The following AGPS variants were observed in gnomAD, a reference collection of about 807,000 sequenced individuals.
AGPS encodes alkylglycerone phosphate synthase, also known as alkyldihydroxyacetonephosphate synthase, peroxisomal.
In AGPS, 26 loss-of-function variants were observed where a neutral mutation model predicts 90.7. The observed-to-expected ratio is 0.29, with a 90% CI of 0.21 to 0.40. The LOEUF (loss-of-function observed/expected upper bound fraction) is 0.40, where lower values mean the gene tolerates loss of function less well. Among genes scored for constraint, AGPS ranks in the 10% least tolerant of loss-of-function variants. The probability of loss-of-function intolerance (pLI) is 1.00; values close to 1 mark genes in which losing one functional copy is unlikely to be tolerated. For missense variants in AGPS, 540 were observed against 816.1 expected (o/e 0.66, Z 4.12); for synonymous variants, 294 against 285.3 (o/e 1.03, Z -0.31).
rs1428305132 is a variant in AGPS at position 177,431,720 on chromosome 2, A to G, written c.351-2607A>G. Among the ~76,000 whole-genome samples the G allele has an allele frequency of 2.6e-5, 4 of 152,106 alleles. No individual in the cohort carries two copies. The East Asian group carries it at 7.7e-4, about 29-fold the overall frequency. On this transcript the variant is annotated intron_variant, in intron 2 of 19. Transcript: ENST00000264167. ...TCTGCAAGAAGAAAAATATGGCTCT[A>G]TTGTGCCTGACCCCGCAGGCAGTCA...
Position 177,462,598 on chromosome 2 carries a change from C to T in AGPS, c.996+580C>T, listed in dbSNP as rs372822179. Among the ~76,000 whole-genome samples, 15 of 151,998 alleles carry T rather than the reference C, an allele frequency of 9.9e-5. No homozygotes were observed. The East Asian group carries it at 2.1e-3, about 22-fold the overall frequency. ...TTCACAGTATCCAGCTCATAAAATA[C>T]GGTCAGCTCTCTATATCCACTGGTT... On this transcript the variant is annotated intron_variant, in intron 9 of 19. Transcript: ENST00000264167.
In AGPS at chr2:177,429,026, T is replaced by A. The variant is rs542422857; in HGVS notation, c.351-5301T>A. Among the ~76,000 whole-genome samples, 99 of 152,264 alleles carry A rather than the reference T, an allele frequency of 6.5e-4. 1 individual carries two copies. The highest frequency in any genetic ancestry group is 2.7e-3 in the Admixed American group (42 of 15,302). ...GTTTTGTTCATTTCTTTTCATTCTTTTTTCTCTATTCTTGTCTGCCTTGAA... is the reference window on the plus strand; with the variant it reads ...GTTTTGTTCATTTCTTTTCATTCTTATTTCTCTATTCTTGTCTGCCTTGAA... On this transcript the variant is annotated intron_variant, in intron 2 of 19. Coordinates refer to ENST00000264167, the MANE Select transcript of AGPS (RefSeq NM_003659.4).
chr2:177,499,948 T>C (rs1688512616), intron 14 of AGPS, among the ~76,000 whole-genome samples: 1 of 151,890 alleles, frequency 6.6e-6, no homozygotes, highest in Admixed American at 6.6e-5. Context: ...GGAAGTTAGA[T>C]TGATATGTTG....
rs926546144 is a variant in AGPS at position 177,542,846 on chromosome 2, T to C, written c.*4651T>C. ...AAAAGCTCACAGTGCCTTGTTGGGATTTTTTTTTTCCATGAACTAGCCATT... is the reference window on the plus strand; with the variant it reads ...AAAAGCTCACAGTGCCTTGTTGGGACTTTTTTTTTCCATGAACTAGCCATT... On this transcript the variant is annotated 3_prime_UTR_variant, in exon 20 of 20. Coordinates refer to ENST00000264167, the MANE Select transcript of AGPS (RefSeq NM_003659.4). The C allele has an allele frequency of 7.2e-6, 1 of 138,652 alleles. No homozygotes were observed. Among genetic ancestry groups the C allele is most frequent in the African/African-American group, 3.3e-5 (1 of 29,934 alleles). 8.6% of individuals were successfully genotyped at this position (138,652 alleles called of 1,614,324 possible).
At chr2:177,430,074 A>G (rs546938978) in intron 2 of AGPS, among the ~76,000 whole-genome samples, 2 of 152,200 alleles carry the variant, frequency 1.3e-5, no homozygotes, top group African/African-American at 2.4e-5. Flanking sequence ...TCTGGCCACA[A>G]TCTGGCATAG....
intron 8 of AGPS, among the ~76,000 whole-genome samples, chr2:177,446,314 T>A (rs1208076604): frequency 6.6e-6 from 1 of 152,072 alleles, no homozygotes; most frequent in Non-Finnish European, 1.5e-5. Flanking sequence ...CTACCGCGCC[T>A]GGCTAATTTT....
At chr2:177,404,956 A>G (rs1483655776) in intron 1 of AGPS, among the ~76,000 whole-genome samples, 1 of 152,234 alleles carries the variant, frequency 6.6e-6, no homozygotes, top group Non-Finnish European at 1.5e-5. Flanking sequence ...TGTTATAAGT[A>G]TTAATCTGAG....
intron 11 of AGPS, among the ~76,000 whole-genome samples, chr2:177,492,496 T>G (rs1404576686): frequency 1.3e-5 from 2 of 152,220 alleles, no homozygotes; most frequent in African/African-American, 4.8e-5. Context: ...GATACTCTTA[T>G]GCCAATATTT....
intron 10 of AGPS, among the ~76,000 whole-genome samples, chr2:177,477,641 T>G (rs1173575707): frequency 6.6e-6 from 1 of 152,188 alleles, no homozygotes; most frequent in East Asian, 1.9e-4. Context: ...GCATTTCAGA[T>G]AAGGGATATT....
At chr2:177,498,598 A>ACT (rs1012975451) in intron 13 of AGPS, among the ~76,000 whole-genome samples, 1 of 148,938 alleles carries the variant, frequency 6.7e-6, no homozygotes, top group Non-Finnish European at 1.5e-5. Context: ...CATTTTCTTC[A>ACT]CTCTCTCTCT....
intron 10 of AGPS, among the ~76,000 whole-genome samples, chr2:177,469,677 CT>C (rs1687554940): frequency 6.6e-6 from 1 of 152,128 alleles, no homozygotes; most frequent in African/African-American, 2.4e-5. Context: ...AATGCATCAT[CT>C]ACAAATTAGA....
chr2:177,507,838 G>A, intron 15 of AGPS, 132 bp from the exon 16 acceptor site: 2 of 731,934 alleles, frequency 2.7e-6, no homozygotes, highest in Non-Finnish European at 4.9e-6. Flanking sequence ...CTCTTATGAG[G>A]TGGATAGTAA....
rs560218811 is a variant in AGPS at position 177,535,614 on chromosome 2, C to T, written c.1856-2460C>T. Among the ~76,000 whole-genome samples, 3 of 152,216 alleles carry T rather than the reference C, an allele frequency of 2.0e-5. No individual in the cohort carries two copies. In the South Asian group the frequency reaches 6.2e-4, roughly 32 times the overall value. ...ATGTGGGGTAACTACATAAGGTTCT[C>T]CAGAATCTCAAGAAGACTCCAATAA... On this transcript the variant is annotated intron_variant, in intron 19 of 19. Coordinates refer to ENST00000264167, the MANE Select transcript of AGPS (RefSeq NM_003659.4).
At chr2:177,464,262 A>G (rs1687383419) in intron 9 of AGPS, among the ~76,000 whole-genome samples, 1 of 152,058 alleles carries the variant, frequency 6.6e-6, no homozygotes, top group Non-Finnish European at 1.5e-5. Flanking sequence ...TTTTTAACTT[A>G]AATTTTTAAC....
intron 16 of AGPS, 149 bp downstream of exon 16, chr2:177,508,180 C>T: frequency 1.5e-6 from 1 of 649,954 alleles, no homozygotes; most frequent in African/African-American, 1.8e-5. Flanking sequence ...TTAATATATT[C>T]ATCAGAATGC....
chr2:177,499,025 G>A (rs549511402), intron 13 of AGPS, among the ~76,000 whole-genome samples: 2 of 151,804 alleles, frequency 1.3e-5, no homozygotes, highest in African/African-American at 4.8e-5. Flanking sequence ...GAATAAACTA[G>A]TACATTAATT....
chr2:177,439,903 C>G (rs1574368855), intron 5 of AGPS, among the ~76,000 whole-genome samples: 1 of 152,142 alleles, frequency 6.6e-6, no homozygotes, highest in East Asian at 1.9e-4. Context: ...GTCTTAGCAC[C>G]TCTTGCTTGG....
At chr2:177,450,975 T>TATATATATATATATATA (rs1434749270) in intron 8 of AGPS, among the ~76,000 whole-genome samples, 5 of 136,540 alleles carry the variant, frequency 3.7e-5, no homozygotes, top group African/African-American at 1.8e-4. Context: ...TATATATATA[T>TATATATATATATATATA]TTTAGAGACA....
At chr2:177,460,274 C>T (rs1438863985) in intron 8 of AGPS, among the ~76,000 whole-genome samples, 1 of 152,058 alleles carries the variant, frequency 6.6e-6, no homozygotes, top group East Asian at 1.9e-4. Flanking sequence ...TGTAACAAAA[C>T]TGCACGTTCT....
Sources: allele counts gnomAD v4.1 joint callset (sites outside exome capture counted in the v4.1 genomes callset), GRCh38; gene constraint gnomAD v4.1.1; transcripts MANE v1.5; gene names NCBI Gene and HGNC (gene_info 2026-07-23, HGNC 2026-07-21).